The following PALB2 variants were observed in gnomAD, a reference collection of about 807,000 sequenced individuals.
The protein encoded by PALB2 is partner and localizer of BRCA2.
Under a neutral mutation model 107.4 loss-of-function variants are expected in PALB2, and 82 were observed. That is an observed-to-expected ratio of 0.76 (90% confidence interval 0.64 to 0.92). The LOEUF (loss-of-function observed/expected upper bound fraction) is 0.92, where lower values mean the gene tolerates loss of function less well. PALB2 is among the 40% of genes least tolerant of loss of function. The pLI is 0.00. For missense variants in PALB2, 1,374 were observed against 1,379.9 expected (o/e 1.00, Z 0.07); for synonymous variants, 489 against 496.8 (o/e 0.98, Z 0.21).
At chr16:23,634,673 T>A (rs1222184756) in intron 4 of PALB2, among the ~76,000 whole-genome samples, 189 bp downstream of exon 4, 1 of 150,472 alleles carries the variant, frequency 6.6e-6, no homozygotes, top group African/African-American at 2.4e-5. Flanking sequence ...ATTTATTTAT[T>A]TATTTAAATT....
rs2142274254 is a variant in PALB2, at chr16:23,607,999, A to G, written c.3215T>C (p.Ile1072Thr). ...TTTGGCACAGGGATGACTCAGGACA[A>G]TAAAGAGAAGCCCCTAATTTCGGAG... ...KAYSEMGLLF[I>T]VLSHPCAKES... Residue 1072 changes from isoleucine to threonine, a missense_variant, in exon 12 of 13, where the codon ATT becomes ACT. By Grantham distance (89) the Ile-to-Thr change is moderately conservative. Coordinates refer to ENST00000261584, the MANE Select transcript of PALB2 (RefSeq NM_024675.4). The G allele has an allele frequency of 6.2e-7, 1 of 1,614,050 alleles. No homozygotes were observed. The highest frequency in any genetic ancestry group is 8.5e-7 in the Non-Finnish European group (1 of 1,179,900).
chr16:23,626,195 A>G, intron 7 of PALB2, 41 bp downstream of exon 7: 1 of 1,613,578 alleles, frequency 6.2e-7, no homozygotes, highest in African/African-American at 1.3e-5. Flanking sequence ...TATCAGGCAA[A>G]TGGCTGCAAA....
rs515726066 is a variant in PALB2, at chr16:23,635,229, C to A, written c.1317G>T (p.Gly439=). The A allele has an allele frequency of 6.2e-7, 1 of 1,614,110 alleles. No homozygotes were observed. The highest frequency in any genetic ancestry group is 1.7e-5 in the Admixed American group (1 of 60,006). The part of the protein sequence containing the change: ...IQSHLDVKKK[G]FKNKNKDASK... ...TTGCATCCTTATTTTTATTTTTAAA[C>A]CCTTTTTTCTTGACATCCAAATGAC... The change falls in exon 4 of 13, where the codon GGG becomes GGT. Residue 439 remains glycine (G), a synonymous_variant. Transcript: ENST00000261584.
At position 23,635,700 on chromosome 16, in the gene PALB2, TCTA is replaced by T. The variant is rs786203247; in HGVS notation, c.843_845del (p.Arg282del). The T allele has an allele frequency of 6.2e-7, 1 of 1,614,150 alleles. No individual in the cohort carries two copies. The highest frequency in any genetic ancestry group is 8.5e-7 in the Non-Finnish European group (1 of 1,180,024). On this transcript the variant is annotated inframe_deletion, in exon 4 of 13. Transcript: ENST00000261584. The stretch of plus-strand genomic sequence containing the variant: ...CCTCCAAACTTACAGGTGAAGTAAA[TCTA>T]ATGTTTTTTAGGTCGTGAGTAGTAA...
In PALB2 at chr16:23,623,863, T is replaced by C. The variant is rs1000917121; in HGVS notation, c.2834+146A>G. On this transcript the variant is annotated intron_variant, in intron 8 of 12. Transcript: ENST00000261584. ...GAAACTTCAGTCAGGGATGTCATTC[T>C]ATTGATTTTTTTTTAAACAAATCTC... 7 of 669,766 alleles carry C rather than the reference T, an allele frequency of 1.0e-5. No individual in the cohort carries two copies. The South Asian group carries it at 1.1e-4, about 10-fold the overall frequency. The allele number at this position is 669,766 out of a possible 1,614,324, so 41.5% of individuals were successfully genotyped here. A position where few individuals can be genotyped will look rare whatever the true frequency, so the allele number is the denominator to read the frequency against.
chr16:23,609,637 C>T (rs1202581168), intron 11 of PALB2, among the ~76,000 whole-genome samples: 1 of 152,104 alleles, frequency 6.6e-6, no homozygotes, highest in Admixed American at 6.6e-5. Flanking sequence ...CCTGCCTCAG[C>T]CTCCCGAGTA....
intron 11 of PALB2, among the ~76,000 whole-genome samples, chr16:23,612,779 G>A (rs1966610576): frequency 6.6e-6 from 1 of 150,614 alleles, no homozygotes; most frequent in Non-Finnish European, 1.5e-5. Context: ...TTGAGACGGA[G>A]TCTCGCTCTG....
chr16:23,626,493 C>T (rs1012298932), intron 6 of PALB2, 96 bp from the exon 7 acceptor site: 3 of 1,442,572 alleles, frequency 2.1e-6, no homozygotes, highest in Non-Finnish European at 2.9e-6. Flanking sequence ...TTCAATGAAA[C>T]AGTAGGTATG....
chr16:23,635,100 G>C lies in PALB2; in HGVS notation c.1446C>G (p.Leu482=), dbSNP rs368759893. 6.8e-6 allele frequency: 11 copies of C among 1,614,048 alleles called. No individual in the cohort carries two copies. Among genetic ancestry groups the C allele is most frequent in the Non-Finnish European group, 9.3e-6 (11 of 1,180,042 alleles). Residue 482 remains leucine, a synonymous_variant, in exon 4 of 13, where the codon CTC becomes CTG. Transcript: ENST00000261584. ...QPSSRTSQKL[L]SLTKVSSPAG... is the part of the protein sequence containing the mutation. The stretch of plus-strand genomic sequence containing the variant: ...CGGGAGAGCTGACTTTAGTTAATGA[G>C]AGAAGTTTCTGAGAGGTTCTTGAAC...
At chr16:23,617,514 G>A (rs1170613654) in intron 10 of PALB2, 2 of 150,786 alleles carry the variant, frequency 1.3e-5, no homozygotes, top group East Asian at 3.9e-4. Context: ...GCATTGAGGA[G>A]TTCACGACCA....
intron 11 of PALB2, among the ~76,000 whole-genome samples, chr16:23,612,281 G>A (rs1415116348): frequency 2.6e-5 from 4 of 151,956 alleles, no homozygotes; most frequent in East Asian, 3.9e-4. Context: ...GCAGTGGCAC[G>A]ATCTCGGCTC....
chr16:23,603,679 T>C lies in PALB2; in HGVS notation c.3351-10A>G, dbSNP rs1057517611. 4.4e-6 allele frequency: 7 copies of C among 1,600,484 alleles called. No individual in the cohort carries two copies. Among genetic ancestry groups the C allele is most frequent in the Non-Finnish European group, 6.0e-6 (7 of 1,174,068 alleles). The stretch of plus-strand genomic sequence containing the variant: ...GTCACCTTCCAGGAACCTGATAGCA[T>C]ACAAAGAAGATATAATTCAGATTAC... On this transcript the variant is annotated splice_polypyrimidine_tract_variant and intron_variant, in intron 12 of 12. Coordinates refer to ENST00000261584, the MANE Select transcript of PALB2 (RefSeq NM_024675.4).
At chr16:23,604,592 C>A (rs1312609580) in intron 12 of PALB2, among the ~76,000 whole-genome samples, 2 of 151,852 alleles carry the variant, frequency 1.3e-5, no homozygotes, top group African/African-American at 2.4e-5. Flanking sequence ...CATGGAGAAA[C>A]CCGGTCTCTA....
At chr16:23,640,667 T>A (rs906695498) in intron 1 of PALB2, 1 of 249,546 alleles carries the variant, frequency 4.0e-6, no homozygotes, top group Non-Finnish European at 7.8e-6. Flanking sequence ...ATACCATTTA[T>A]GAACATTCCC....
At chr16:23,628,139 G>A (rs1000118807) in intron 6 of PALB2, among the ~76,000 whole-genome samples, 2 of 152,342 alleles carry the variant, frequency 1.3e-5, no homozygotes, top group African/African-American at 4.8e-5. Flanking sequence ...CACGAGAATT[G>A]CTTGAACCTG....
At chr16:23,606,621 G>C (rs1337987081) in intron 12 of PALB2, among the ~76,000 whole-genome samples, 4 of 152,052 alleles carry the variant, frequency 2.6e-5, no homozygotes, top group Admixed American at 6.6e-5. Context: ...TCCCTCCCGG[G>C]TTCAAGCGAT....
rs62625276 is a variant in PALB2 at position 23,630,463 on chromosome 16, T to C, written c.1691A>G (p.Lys564Arg). 3 of 1,610,178 alleles carry C rather than the reference T, an allele frequency of 1.9e-6. No individual in the cohort carries two copies. Among genetic ancestry groups the C allele is most frequent in the African/African-American group, 1.3e-5 (1 of 74,822 alleles). ...GGAATCCTCTTTTTGATGACGACTT[T>C]TCTTCCCTAAAGAAGAAAAATAAGT... The part of the protein sequence containing the change: ...EKLFIQVKGK[K>R]SRHQKEDSLS... The change falls in exon 5 of 13, where the codon AAA becomes AGA. Residue 564 changes from lysine (K) to arginine (R), a missense_variant. By Grantham distance (26) the Lys-to-Arg change is conservative. Coordinates refer to ENST00000261584, the MANE Select transcript of PALB2 (RefSeq NM_024675.4).
rs1057524295 is a variant in PALB2, at chr16:23,603,678, A to G, written c.3351-9T>C. 6.2e-7 allele frequency: 1 copy of G among 1,612,340 alleles called. No individual in the cohort carries two copies. The highest frequency in any genetic ancestry group is 8.5e-7 in the Non-Finnish European group (1 of 1,178,578). On this transcript the variant is annotated splice_polypyrimidine_tract_variant and intron_variant, in intron 12 of 12. Transcript: ENST00000261584. Reference sequence around the variant, plus strand: ...CGTCACCTTCCAGGAACCTGATAGCATACAAAGAAGATATAATTCAGATTA... The same window carrying G: ...CGTCACCTTCCAGGAACCTGATAGCGTACAAAGAAGATATAATTCAGATTA...
At chr16:23,625,848 G>A (rs1966841560) in intron 7 of PALB2, among the ~76,000 whole-genome samples, 1 of 151,800 alleles carries the variant, frequency 6.6e-6, no homozygotes, top group Non-Finnish European at 1.5e-5. Context: ...AGACATGGTG[G>A]TGCATGCCTG....
Sources: gnomAD v4.1 joint callset for allele counts (sites outside exome capture counted in the v4.1 genomes callset) on GRCh38, gnomAD v4.1.1 for gene constraint, MANE v1.5 for transcripts, NCBI Gene and HGNC (gene_info 2026-07-23, HGNC 2026-07-21) for gene names.